ENTPD1: variants seen among roughly 807,000 people sequenced by gnomAD.
The protein encoded by ENTPD1 is ectonucleoside triphosphate diphosphohydrolase 1.
A neutral mutation model predicts 57.0 loss-of-function variants in ENTPD1; 33 were observed. That is an observed-to-expected ratio of 0.58 (90% CI 0.44 to 0.77). The LOEUF (loss-of-function observed/expected upper bound fraction) is 0.77. Ranked by LOEUF, ENTPD1 falls within the 30% of genes least tolerant of loss-of-function variation. The probability of loss-of-function intolerance (pLI) is 0.00; values close to 1 mark genes in which losing one functional copy is unlikely to be tolerated. For synonymous variants in ENTPD1, 202 were observed against 218.8 expected (o/e 0.92, Z 0.68); for missense variants, 501 against 603.4 (o/e 0.83, Z 1.78).
intron 1 of ENTPD1, among the ~76,000 whole-genome samples, chr10:95,779,478 G>T (rs2098147792): frequency 6.6e-6 from 1 of 152,036 alleles, no homozygotes; most frequent in Admixed American, 6.6e-5. Flanking sequence ...ACCTCAAATG[G>T]GATACTGTCA....
chr10:95,740,964 T>A (rs963518183), intron 1 of ENTPD1, among the ~76,000 whole-genome samples: 1 of 152,236 alleles, frequency 6.6e-6, no homozygotes, highest in Non-Finnish European at 1.5e-5. Flanking sequence ...ATCCAGACCT[T>A]TCAGACATTT....
intron 1 of ENTPD1, among the ~76,000 whole-genome samples, chr10:95,717,242 A>T (rs1468192731): frequency 6.6e-6 from 1 of 151,946 alleles, no homozygotes; most frequent in African/African-American, 2.4e-5. Flanking sequence ...TTCACCTTTT[A>T]AATTTGTTTT....
the ENTPD1 span, among the ~76,000 whole-genome samples, chr10:95,706,479 G>A: frequency 6.6e-6 from 1 of 152,222 alleles, no homozygotes; most frequent in Admixed American, 6.5e-5. Context: ...GCCCTGGGGA[G>A]GGTAGCTCCT....
At chr10:95,699,835 A>T in the ENTPD1 span, among the ~76,000 whole-genome samples, 2 of 152,218 alleles carry the variant, frequency 1.3e-5, no homozygotes, top group Non-Finnish European at 2.9e-5. Flanking sequence ...AATTGGAAGG[A>T]TATTGACTGA....
intron 7 of ENTPD1, among the ~76,000 whole-genome samples, chr10:95,855,747 G>C (rs2098453462): frequency 6.6e-6 from 1 of 152,190 alleles, no homozygotes; most frequent in South Asian, 2.1e-4. Flanking sequence ...TTTTCTTTAA[G>C]AATGTTGAAT....
In ENTPD1 at chr10:95,864,682, G is replaced by T. The variant is rs766024948; in HGVS notation, c.1189-42G>T. 18 of 1,613,534 alleles carry T rather than the reference G, an allele frequency of 1.1e-5. No individual in the cohort carries two copies. In the South Asian group the frequency reaches 1.9e-4, roughly 17 times the overall value. On this transcript the variant is annotated intron_variant, in intron 8 of 9. Coordinates refer to ENST00000371205, the MANE Select transcript of ENTPD1 (RefSeq NM_001776.6). ...GAGAAAAAGAGGGCCACAGAGAGGT[G>T]CCTATCATACGAGTATGATCTCCCC...
Position 95,860,559 on chromosome 10 carries a change from T to G in ENTPD1, c.1165T>G (p.Phe389Val). Residue 389 changes from phenylalanine (F) to valine (V), a missense_variant, in exon 8 of 10, where the codon TTC becomes GTC. Physicochemically the swap from Phe to Val is conservative, Grantham distance 50 (BLOSUM62 -1). Transcript: ENST00000371205. Reference protein sequence around the residue: ...QEKVTEMMKKFCAQPWEEIKT... With the variant: ...QEKVTEMMKKVCAQPWEEIKT... ...AAAGGTGACTGAGATGATGAAAAAG[T>G]TCTGTGCTCAGCCTTGGGAGGAGGT... 6.2e-7 allele frequency: 1 copy of G among 1,613,854 alleles called. No individual in the cohort carries two copies. The highest frequency in any genetic ancestry group is 8.5e-7 in the Non-Finnish European group (1 of 1,179,780).
At chr10:95,802,589 TA>T (rs2098254444) in intron 1 of ENTPD1, among the ~76,000 whole-genome samples, 1 of 152,182 alleles carries the variant, frequency 6.6e-6, no homozygotes, top group African/African-American at 2.4e-5. Flanking sequence ...GTATTTCTCC[TA>T]ATGCTATCCC....
At chr10:95,762,033 T>G (rs533841135) in intron 1 of ENTPD1, among the ~76,000 whole-genome samples, 1 of 151,996 alleles carries the variant, frequency 6.6e-6, no homozygotes, top group East Asian at 1.9e-4. Context: ...GAAGAGAAAA[T>G]AAGTTGTTGG....
chr10:95,724,152 ACT>A (rs374808290), intron 1 of ENTPD1, among the ~76,000 whole-genome samples: 4,240 of 111,636 alleles, frequency 0.038, 103 homozygotes, highest in Non-Finnish European at 0.052. Flanking sequence ...ACAGAGCAAG[ACT>A]CTGTCTCAAA....
chr10:95,711,402 A>C (rs1438673306), upstream of ENTPD1, among the ~76,000 whole-genome samples: 1 of 151,768 alleles, frequency 6.6e-6, no homozygotes, highest in African/African-American at 2.4e-5. Context: ...ATTAGATCAC[A>C]CTCTTTTTTT....
In ENTPD1 at chr10:95,793,217, A is replaced by C. The variant is rs556201027; in HGVS notation, c.17-30020A>C. 3.9e-4 allele frequency among the ~76,000 whole-genome samples: 59 copies of C among 152,366 alleles called. No homozygotes were observed. The South Asian group carries it at 8.9e-3, about 23-fold the overall frequency. The stretch of plus-strand genomic sequence containing the variant: ...AGGATGGTGAACTAGGACTGCTTCT[A>C]AAAAGCAGGCTGATAGTAACTGAGG... On this transcript the variant is annotated intron_variant, in intron 1 of 9. Coordinates refer to ENST00000371205, the MANE Select transcript of ENTPD1 (RefSeq NM_001776.6).
At chr10:95,797,576 C>T (rs1050221920) in intron 1 of ENTPD1, among the ~76,000 whole-genome samples, 1 of 152,138 alleles carries the variant, frequency 6.6e-6, no homozygotes, top group African/African-American at 2.4e-5. Context: ...CAGTATAGTG[C>T]CAACATCTGC....
At chr10:95,804,984 T>G (rs1230139894) in intron 1 of ENTPD1, among the ~76,000 whole-genome samples, 2 of 152,102 alleles carry the variant, frequency 1.3e-5, no homozygotes, top group Admixed American at 6.5e-5. Context: ...GGATGGAGAG[T>G]TCTGTAGATG....
intron 6 of ENTPD1, chr10:95,846,221 G>T (rs979651471): frequency 3.3e-5 from 5 of 152,284 alleles, no homozygotes; most frequent in African/African-American, 9.8e-5. Flanking sequence ...TACAAAAAAA[G>T]AAAAAAAATT....
At chr10:95,761,987 G>A (rs1331652863) in intron 1 of ENTPD1, among the ~76,000 whole-genome samples, 1 of 152,142 alleles carries the variant, frequency 6.6e-6, no homozygotes, top group Non-Finnish European at 1.5e-5. Context: ...GAGAACCGAT[G>A]GAATTTCTTT....
intron 1 of ENTPD1, among the ~76,000 whole-genome samples, chr10:95,819,205 C>G (rs1166334342): frequency 6.6e-6 from 1 of 152,032 alleles, no homozygotes; most frequent in Admixed American, 6.5e-5. Context: ...ACTCTGTTGC[C>G]CAGGCTAGAG....
At position 95,868,428 on chromosome 10, in the gene ENTPD1, A is replaced by C. The variant is rs2098476734; in HGVS notation, c.*2045A>C. 1.0e-6 allele frequency: 1 copy of C among 985,450 alleles called. No individual in the cohort carries two copies. The highest frequency in any genetic ancestry group is 1.2e-6 in the Non-Finnish European group (1 of 829,936). The allele number at this position is 985,450 out of a possible 1,614,324, so 61.0% of individuals were successfully genotyped here. Reference sequence around the variant, plus strand: ...GAAGCACATCTGGCATATGATGCTAATCAGTGGTTCCCATACCCCTGGCTT... The same window carrying C: ...GAAGCACATCTGGCATATGATGCTACTCAGTGGTTCCCATACCCCTGGCTT... On this transcript the variant is annotated 3_prime_UTR_variant, in exon 10 of 10. Transcript: ENST00000371205.
At chr10:95,741,364 G>A (rs1428785865) in intron 1 of ENTPD1, among the ~76,000 whole-genome samples, 1 of 152,152 alleles carries the variant, frequency 6.6e-6, no homozygotes, top group Non-Finnish European at 1.5e-5. Flanking sequence ...CATCTTATAT[G>A]GGCATGGTTC....
Sources: gnomAD v4.1 joint callset for allele counts (sites outside exome capture counted in the v4.1 genomes callset) on GRCh38, gnomAD v4.1.1 for gene constraint, MANE v1.5 for transcripts, NCBI Gene and HGNC (gene_info 2026-07-23, HGNC 2026-07-21) for gene names.